DOCK10: variants seen among roughly 807,000 people sequenced by gnomAD.
The protein encoded by DOCK10 is dedicator of cytokinesis protein 10.
DOCK10 carries 145 observed loss-of-function variants against 280.1 expected under a neutral mutation model. The ratio of observed to expected loss-of-function variants is 0.52; its 90% confidence interval spans 0.45 to 0.59. The LOEUF (loss-of-function observed/expected upper bound fraction) is 0.59, where lower values mean the gene tolerates loss of function less well. Among genes scored for constraint, DOCK10 ranks in the 20% least tolerant of loss-of-function variants. The pLI is 0.00. For synonymous variants in DOCK10, 915 were observed against 942.2 expected (o/e 0.97, Z 0.53); for missense variants, 2,368 against 2,651.7 (o/e 0.89, Z 2.35).
intron 22 of DOCK10, 136 bp downstream of exon 22, chr2:224,844,617 T>G: frequency 1.6e-6 from 1 of 644,280 alleles, no homozygotes; most frequent in Non-Finnish European, 2.8e-6. Flanking sequence ...GCCCTTAACA[T>G]TCTTCCTTTG....
Position 224,841,903 on chromosome 2 carries a change from C to G in DOCK10, c.2569-7G>C. 3.8e-6 allele frequency: 6 copies of G among 1,595,082 alleles called. No homozygotes were observed. The highest frequency in any genetic ancestry group is 5.2e-6 in the Non-Finnish European group (6 of 1,164,682). ...ATGCATTCACATGTGGATCCTACAA[C>G]AGCAAAAAAAAAGTATTTATTTCTG... On this transcript the variant is annotated splice_region_variant and splice_polypyrimidine_tract_variant and intron_variant, in intron 22 of 55. Transcript: ENST00000258390.
chr2:224,961,467 T>TC, intron 1 of DOCK10, among the ~76,000 whole-genome samples: 1 of 52,110 alleles, frequency 1.9e-5, no homozygotes, highest in East Asian at 6.3e-4. Context: ...TCTTTCTTTC[T>TC]TTTTCTTTCT....
chr2:224,890,744 G>C (rs1037538010), intron 4 of DOCK10, among the ~76,000 whole-genome samples: 7 of 152,184 alleles, frequency 4.6e-5, no homozygotes, highest in African/African-American at 1.2e-4. Context: ...ATTGTCTCTT[G>C]GGGGAGAGAA....
At chr2:224,997,419 A>G (rs1421053255) in intron 1 of DOCK10, among the ~76,000 whole-genome samples, 1 of 151,892 alleles carries the variant, frequency 6.6e-6, no homozygotes, top group Non-Finnish European at 1.5e-5. Context: ...TTTAGTAGAG[A>G]TGGGGTTTCA....
Position 224,784,437 on chromosome 2 carries a change from C to T in DOCK10, c.5655+2585G>A, listed in dbSNP as rs143104823. ...CTACATATATTTAAGATACGTGGTA[C>T]CCATACTTATCTCTGTGTGTGTTTG... On this transcript the variant is annotated intron_variant, in intron 50 of 55. Coordinates refer to ENST00000258390, the MANE Select transcript of DOCK10 (RefSeq NM_014689.3). Among the ~76,000 whole-genome samples the T allele has an allele frequency of 3.3e-4, 50 of 152,312 alleles. 2 individuals are homozygous for T. Among genetic ancestry groups the T allele is most frequent in the African/African-American group, 1.1e-3 (47 of 41,562 alleles).
intron 41 of DOCK10, among the ~76,000 whole-genome samples, 189 bp downstream of exon 41, chr2:224,799,962 C>T: frequency 6.6e-6 from 1 of 152,078 alleles, no homozygotes; most frequent in African/African-American, 2.4e-5. Flanking sequence ...ACATATCAAA[C>T]AAACATTAGT....
chr2:224,796,367 T>G lies in DOCK10; in HGVS notation c.4887A>C (p.Gln1629His), dbSNP rs370862056. 9 of 1,574,750 alleles carry G rather than the reference T, an allele frequency of 5.7e-6. No individual in the cohort carries two copies. Among genetic ancestry groups the G allele is most frequent in the African/African-American group, 1.3e-5 (1 of 74,318 alleles). ...ADAGIGGSRF[Q>H]HSLAITNNFA... ...AATTATTGGTAATTGCAAGCGAATG[T>G]TGAAACCGAGAGCCTCCAATCCCAG... The change falls in exon 44 of 56, where the codon CAA becomes CAC. Residue 1629 changes from glutamine to histidine, a missense_variant. Transcript: ENST00000258390.
At chr2:224,895,786 A>C (rs1699942167) in intron 4 of DOCK10, among the ~76,000 whole-genome samples, 2 of 105,952 alleles carry the variant, frequency 1.9e-5, no homozygotes, top group African/African-American at 1.4e-4. Flanking sequence ...GAGTCAGGAA[A>C]AAATCAGGTG....
intron 7 of DOCK10, among the ~76,000 whole-genome samples, chr2:224,884,186 T>A (rs1162102587): frequency 6.6e-6 from 1 of 152,190 alleles, no homozygotes; most frequent in Admixed American, 6.5e-5. Context: ...AATTTTTTCC[T>A]TTTAAAGTTC....
At chr2:224,779,471 C>G (rs138923320) in intron 50 of DOCK10, among the ~76,000 whole-genome samples, 2,180 of 152,196 alleles carry the variant, frequency 0.014, 47 homozygotes, top group African/African-American at 0.046. Flanking sequence ...CCACCTCGGC[C>G]TCCTAAAGTG....
Position 224,766,296 on chromosome 2 carries a change from G to T in DOCK10, c.6445-459C>A, listed in dbSNP as rs189569064. Among the ~76,000 whole-genome samples, 5 of 152,284 alleles carry T rather than the reference G, an allele frequency of 3.3e-5. No individual in the cohort carries two copies. In the East Asian group the frequency reaches 9.6e-4, roughly 29 times the overall value. ...TGCCTAAAAAATACTTTATCAGATT[G>T]ATTCAAACAATGACGTGTAAGCATA... On this transcript the variant is annotated intron_variant, in intron 55 of 55. Transcript: ENST00000258390.
At chr2:225,004,954 T>C (rs1287047467) in intron 1 of DOCK10, among the ~76,000 whole-genome samples, 1 of 152,212 alleles carries the variant, frequency 6.6e-6, no homozygotes, top group Non-Finnish European at 1.5e-5. Context: ...TGACTCATGC[T>C]GGGCAATAAT....
intron 1 of DOCK10, among the ~76,000 whole-genome samples, chr2:224,992,281 C>T (rs914187866): frequency 7.9e-5 from 12 of 152,210 alleles, no homozygotes; most frequent in Admixed American, 7.9e-4. Context: ...ACGTCTTAAA[C>T]ATTCCAAGTT....
At chr2:224,941,843 C>CAA (rs72072414) in intron 1 of DOCK10, among the ~76,000 whole-genome samples, 15 of 109,018 alleles carry the variant, frequency 1.4e-4, no homozygotes, top group South Asian at 9.8e-4. Flanking sequence ...GCCTCCATCT[C>CAA]AAAAAAAAAA....
At chr2:224,792,036 A>C (rs1316541226) in intron 47 of DOCK10, among the ~76,000 whole-genome samples, 5 of 152,162 alleles carry the variant, frequency 3.3e-5, no homozygotes, top group Non-Finnish European at 7.4e-5. Context: ...GATTCAAACA[A>C]ATTTTTGCAA....
rs1247770550 is a variant in DOCK10 at position 224,765,443 on chromosome 2, C to G, written c.*278G>C. 1 of 327,700 alleles carries G rather than the reference C, an allele frequency of 3.1e-6. No individual in the cohort carries two copies. The highest frequency in any genetic ancestry group is 5.6e-6 in the Non-Finnish European group (1 of 177,726). The allele number at this position is 327,700 out of a possible 1,614,324, so 20.3% of individuals were successfully genotyped here. A position where few individuals can be genotyped will look rare whatever the true frequency, so the allele number is the denominator to read the frequency against. ...TACTAGGACTGGGGTACTGACCATA[C>G]AATAACTGACAGCAAACTTAGGGTT... On this transcript the variant is annotated 3_prime_UTR_variant, in exon 56 of 56. Transcript: ENST00000258390.
intron 27 of DOCK10, among the ~76,000 whole-genome samples, chr2:224,826,773 ATCTATC>A (rs960683277): frequency 7.3e-5 from 11 of 151,640 alleles, no homozygotes; most frequent in African/African-American, 2.2e-4. Flanking sequence ...CTATCTATCT[ATCTATC>A]TATCTATCTA....
At chr2:225,036,208 A>AT (rs1690256662) in intron 1 of DOCK10, among the ~76,000 whole-genome samples, 1 of 152,130 alleles carries the variant, frequency 6.6e-6, no homozygotes, top group East Asian at 1.9e-4. Context: ...CTGTTATGGA[A>AT]TTTTTTCTTA....
chr2:225,005,135 A>G (rs1446955525), intron 1 of DOCK10, among the ~76,000 whole-genome samples: 2 of 152,342 alleles, frequency 1.3e-5, no homozygotes, highest in East Asian at 3.9e-4. Flanking sequence ...TTGTCATGAG[A>G]TAGATAGAAT....
Sources: allele counts gnomAD v4.1 joint callset (sites outside exome capture counted in the v4.1 genomes callset), GRCh38; gene constraint gnomAD v4.1.1; transcripts MANE v1.5; gene names NCBI Gene and HGNC (gene_info 2026-07-23, HGNC 2026-07-21).